The following NCF2 variants were observed in gnomAD, a reference collection of about 807,000 sequenced individuals.
The protein encoded by NCF2 is neutrophil cytosol factor 2.
A neutral mutation model predicts 70.9 loss-of-function variants in NCF2; 45 were observed. That is an observed-to-expected ratio of 0.63 (90% CI 0.50 to 0.81). The LOEUF is 0.81. NCF2 is among the 40% of genes least tolerant of loss of function. The probability of loss-of-function intolerance (pLI) is 0.00; values close to 1 mark genes in which losing one functional copy is unlikely to be tolerated. For synonymous variants in NCF2, 203 were observed against 233.6 expected (o/e 0.87, Z 1.19); for missense variants, 522 against 631.6 (o/e 0.83, Z 1.86).
Position 183,590,389 on chromosome 1 carries a change from G to C in NCF2, c.-60C>G. 6.2e-7 allele frequency: 1 copy of C among 1,601,366 alleles called. No individual in the cohort carries two copies. The highest frequency in any genetic ancestry group is 8.5e-7 in the Non-Finnish European group (1 of 1,169,698). On this transcript the variant is annotated 5_prime_UTR_variant, in exon 1 of 15. Coordinates refer to ENST00000367535, the MANE Select transcript of NCF2 (RefSeq NM_000433.4). ...CAGGAGACAGAGAGAAGACAGGTTG[G>C]AGCGTCTCCCCTAGCAGGGCTGCCT... is the stretch of plus-strand genomic sequence containing the variant.
intron 2 of NCF2, among the ~76,000 whole-genome samples, chr1:183,586,490 G>A (rs1673357571): frequency 1.3e-5 from 2 of 152,178 alleles, no homozygotes; most frequent in South Asian, 4.1e-4. Context: ...GATTAAACCA[G>A]GTTTTGGAAA....
At chr1:183,558,891 C>G (rs1671912716) in intron 14 of NCF2, among the ~76,000 whole-genome samples, 1 of 152,054 alleles carries the variant, frequency 6.6e-6, no homozygotes, top group Non-Finnish European at 1.5e-5. Flanking sequence ...AAATTTCCCC[C>G]TCTCTTTGTC....
intron 1 of NCF2, 110 bp from the exon 2 acceptor site, chr1:183,587,087 T>C: frequency 9.3e-7 from 1 of 1,078,344 alleles, no homozygotes; most frequent in South Asian, 1.2e-5. Flanking sequence ...CTCTGCTGTC[T>C]GCCCTCGTCG....
chr1:183,570,915 G>T, intron 5 of NCF2, 76 bp from the exon 6 acceptor site: 2 of 1,432,138 alleles, frequency 1.4e-6, no homozygotes, highest in South Asian at 2.3e-5. Flanking sequence ...CTTTGCTCAT[G>T]CCCTAGACCT....
At chr1:183,592,602 C>T (rs1396838542), upstream of NCF2, among the ~76,000 whole-genome samples, 2 of 152,154 alleles carry the variant, frequency 1.3e-5, no homozygotes, top group Non-Finnish European at 1.5e-5. Flanking sequence ...AAATGACCTG[C>T]AGGTAGCAGT....
chr1:183,592,452 A>G (rs911289483), upstream of NCF2, among the ~76,000 whole-genome samples: 2 of 152,170 alleles, frequency 1.3e-5, no homozygotes, highest in Admixed American at 1.3e-4. Flanking sequence ...CATCATACTT[A>G]CTGCAATTTA....
intron 9 of NCF2, 86 bp from the exon 10 acceptor site, chr1:183,565,865 C>T: frequency 7.5e-7 from 1 of 1,341,616 alleles, no homozygotes; most frequent in East Asian, 2.3e-5. Flanking sequence ...CTACAGAGAC[C>T]CCATGTAAAG....
the NCF2 span, among the ~76,000 whole-genome samples, chr1:183,596,741 TA>T: frequency 0.39 from 56,976 of 146,168 alleles, 10,845 homozygotes; most frequent in Middle Eastern, 0.43. Flanking sequence ...GACTCCATCT[TA>T]AAAAAAAAAA....
intron 2 of NCF2, among the ~76,000 whole-genome samples, chr1:183,585,656 C>T (rs1448209766): frequency 1.4e-5 from 2 of 138,898 alleles, no homozygotes; most frequent in Non-Finnish European, 3.0e-5. Context: ...TTAGCCTGAG[C>T]CAAATTCCTC....
chr1:183,563,517 C>A lies in NCF2; in HGVS notation c.1095G>T (p.Lys365Asn). The A allele has an allele frequency of 6.2e-7, 1 of 1,614,122 alleles. No individual in the cohort carries two copies. The highest frequency in any genetic ancestry group is 8.5e-7 in the Non-Finnish European group (1 of 1,180,016). Residue 365 changes from lysine (K) to asparagine (N), a missense_variant, in exon 12 of 15, where the codon AAG becomes AAT. Physicochemically the swap from Lys to Asn is moderately conservative, Grantham distance 94 (BLOSUM62 0). Transcript: ENST00000367535. ...KVHYKYTVVM[K>N]TQPGLPYSQV... is the part of the protein sequence containing the mutation. The stretch of plus-strand genomic sequence containing the variant: ...GGCTGTAGGGGAGCCCGGGCTGAGT[C>A]TTCATGACTACCGTGTACTTGTAGT...
intron 7 of NCF2, 51 bp downstream of exon 7, chr1:183,569,091 G>T: frequency 6.4e-7 from 1 of 1,554,898 alleles, no homozygotes; most frequent in Non-Finnish European, 8.9e-7. Context: ...CTTGCCATCA[G>T]CTCAGGCTTG....
At chr1:183,560,474 G>A (rs930492200) in intron 13 of NCF2, among the ~76,000 whole-genome samples, 5 of 152,152 alleles carry the variant, frequency 3.3e-5, no homozygotes, top group Admixed American at 6.5e-5. Context: ...TTTTTGGCAC[G>A]AGGGACCAGT....
At chr1:183,570,699 G>T in intron 6 of NCF2, 81 bp downstream of exon 6, 1 of 1,455,568 alleles carries the variant, frequency 6.9e-7, no homozygotes, top group Non-Finnish European at 9.6e-7. Context: ...AGGCAACTCA[G>T]CACACATAGT....
the NCF2 span, among the ~76,000 whole-genome samples, chr1:183,597,209 T>C: frequency 6.6e-6 from 1 of 152,236 alleles, no homozygotes; most frequent in Non-Finnish European, 1.5e-5. Context: ...ATTCACTAAA[T>C]GCAATCTAGT....
intron 10 of NCF2, 51 bp from the exon 11 acceptor site, chr1:183,564,081 C>T (rs1262957551): frequency 1.9e-6 from 3 of 1,552,314 alleles, no homozygotes; most frequent in Admixed American, 1.7e-5. Context: ...GAATGAACAT[C>T]CTTGGCCAGC....
chr1:183,560,576 A>T (rs1671998628), intron 13 of NCF2, among the ~76,000 whole-genome samples: 1 of 152,174 alleles, frequency 6.6e-6, no homozygotes, highest in African/African-American at 2.4e-5. Context: ...ATCGTCAGGC[A>T]TTAGATTCTC....
intron 7 of NCF2, 39 bp from the exon 8 acceptor site, chr1:183,567,384 C>A (rs1333970806): frequency 1.2e-6 from 2 of 1,612,418 alleles, no homozygotes; most frequent in African/African-American, 2.7e-5. Flanking sequence ...CCCATCCCCT[C>A]ACATGATGCC....
chr1:183,564,410 T>G (rs1359352073), intron 10 of NCF2, among the ~76,000 whole-genome samples: 1 of 152,240 alleles, frequency 6.6e-6, no homozygotes, highest in Non-Finnish European at 1.5e-5. Flanking sequence ...GAACCACTGA[T>G]CCTCACCTTA....
In NCF2 at chr1:183,578,327, A is replaced by C. The variant is rs1394546809; in HGVS notation, c.258-620T>G. Among the ~76,000 whole-genome samples the C allele has an allele frequency of 3.3e-5, 5 of 151,794 alleles. No homozygotes were observed. The East Asian group carries it at 9.6e-4, about 29-fold the overall frequency. ...TACACTTTGGAAAAGAAAAAAAAAC[A>C]ACCACTTATGCTATATAGTATTTCC... is the stretch of plus-strand genomic sequence containing the variant. On this transcript the variant is annotated intron_variant, in intron 2 of 14. Transcript: ENST00000367535.
Sources: gnomAD v4.1 joint callset for allele counts (sites outside exome capture counted in the v4.1 genomes callset) on GRCh38, gnomAD v4.1.1 for gene constraint, MANE v1.5 for transcripts, NCBI Gene and HGNC (gene_info 2026-07-23, HGNC 2026-07-21) for gene names.